ROBO2: variants seen among roughly 807,000 people sequenced by gnomAD.
ROBO2 encodes the protein roundabout homolog 2.
In ROBO2, 53 loss-of-function variants were observed where a neutral mutation model predicts 160.8. That is an observed-to-expected ratio of 0.33 (90% CI 0.26 to 0.41). The LOEUF is 0.41. Ranked by LOEUF, ROBO2 falls within the 10% of genes least tolerant of loss-of-function variation. ROBO2 has a pLI of 1.00. For missense variants in ROBO2, 1,577 were observed against 1,722.4 expected, an observed-to-expected ratio of 0.92 and a Z score of 1.49; for synonymous variants, 664 against 611.7, an observed-to-expected ratio of 1.09 and a Z score of -1.26.
At chr3:76,859,403 G>A (rs144343284) in intron 2 of ROBO2, among the ~76,000 whole-genome samples, 1 of 152,142 alleles carries the variant, frequency 6.6e-6, no homozygotes, top group East Asian at 1.9e-4. Flanking sequence ...TTGGAGATGC[G>A]GGTGCTAAAG....
chr3:77,552,032 A>G (rs1206237426), intron 8 of ROBO2, among the ~76,000 whole-genome samples: 2 of 152,012 alleles, frequency 1.3e-5, no homozygotes, highest in Non-Finnish European at 2.9e-5. Flanking sequence ...ATTTACTGCT[A>G]TGGAACTGAA....
intron 2 of ROBO2, among the ~76,000 whole-genome samples, chr3:77,269,621 G>GTA (rs1553879051): frequency 6.6e-6 from 1 of 151,846 alleles, no homozygotes; most frequent in Non-Finnish European, 1.5e-5. Flanking sequence ...AGATGTGTGT[G>GTA]TATCAATATA....
chr3:76,619,239 C>G (rs1367562788), intron 2 of ROBO2, among the ~76,000 whole-genome samples: 1 of 150,954 alleles, frequency 6.6e-6, no homozygotes, highest in Admixed American at 6.6e-5. Context: ...ACTTGGGAGG[C>G]TGAGGCAGGA....
At chr3:76,738,626 G>T (rs1323184801) in intron 2 of ROBO2, among the ~76,000 whole-genome samples, 2 of 152,110 alleles carry the variant, frequency 1.3e-5, no homozygotes, top group Non-Finnish European at 2.9e-5. Context: ...ATTGCTCTTC[G>T]AACACGGTAA....
At chr3:76,850,860 G>C (rs539515125) in intron 2 of ROBO2, among the ~76,000 whole-genome samples, 1 of 152,174 alleles carries the variant, frequency 6.6e-6, no homozygotes, top group Non-Finnish European at 1.5e-5. Flanking sequence ...AGGCACCTAA[G>C]CTCTGGTCCT....
chr3:76,573,957 C>T (rs1345365510), intron 2 of ROBO2, among the ~76,000 whole-genome samples: 2 of 152,148 alleles, frequency 1.3e-5, no homozygotes, highest in African/African-American at 2.4e-5. Context: ...TCAGAAGTGA[C>T]TGCTCTCTGC....
chr3:77,225,758 C>T (rs2086417709), intron 2 of ROBO2, among the ~76,000 whole-genome samples: 1 of 151,928 alleles, frequency 6.6e-6, no homozygotes. Context: ...TAAAAAAAGA[C>T]TCACTGCAAT....
intron 2 of ROBO2, among the ~76,000 whole-genome samples, chr3:76,315,322 T>A (rs2071922303): frequency 6.6e-6 from 1 of 152,226 alleles, no homozygotes; most frequent in African/African-American, 2.4e-5. Flanking sequence ...ACAGCCATAC[T>A]TTTTTTCTGT....
intron 2 of ROBO2, among the ~76,000 whole-genome samples, chr3:76,226,691 C>T (rs1704308769): frequency 6.6e-6 from 1 of 152,094 alleles, no homozygotes; most frequent in African/African-American, 2.4e-5. Context: ...ACAATTATTT[C>T]TCCTTTACTT....
Position 76,407,892 on chromosome 3 carries a change from A to G in ROBO2, c.109+470290A>G, listed in dbSNP as rs1043119663. Among the ~76,000 whole-genome samples, 7 of 151,768 alleles carry G rather than the reference A, an allele frequency of 4.6e-5. No homozygotes were observed. In the South Asian group the frequency reaches 6.2e-4, roughly 14 times the overall value. ...ATGGCTTTGAATTAAGCCCAACAAC[A>G]TGTTGTAACCTTTCTTAAAATATTG... On this transcript the variant is annotated intron_variant, in intron 2 of 26. Transcript: ENST00000487694.
chr3:77,003,972 C>T lies in ROBO2; in HGVS notation c.110-94042C>T, dbSNP rs577960410. Among the ~76,000 whole-genome samples the T allele has an allele frequency of 1.9e-4, 29 of 152,222 alleles. 1 individual carries two copies. In the South Asian group the frequency reaches 6.0e-3, roughly 32 times the overall value. On this transcript the variant is annotated intron_variant, in intron 2 of 26. Transcript: ENST00000487694. ...ATAGAGGCATTTATTATGAACATGGCAGTCTCAGAATATATAATCAAACTT... is the reference window on the plus strand; with the variant it reads ...ATAGAGGCATTTATTATGAACATGGTAGTCTCAGAATATATAATCAAACTT...
intron 2 of ROBO2, among the ~76,000 whole-genome samples, chr3:76,250,716 A>G (rs1205429673): frequency 1.3e-5 from 2 of 152,206 alleles, no homozygotes; most frequent in East Asian, 3.9e-4. Flanking sequence ...TGCTTTGCAA[A>G]TTTTAAGTAC....
intron 2 of ROBO2, among the ~76,000 whole-genome samples, chr3:76,584,632 G>A (rs1421128348): frequency 1.3e-5 from 2 of 152,098 alleles, no homozygotes; most frequent in Non-Finnish European, 2.9e-5. Flanking sequence ...TCTTGATCTG[G>A]AACTTGTAGA....
At chr3:76,680,745 T>C (rs1034299318) in intron 2 of ROBO2, among the ~76,000 whole-genome samples, 1 of 152,026 alleles carries the variant, frequency 6.6e-6, no homozygotes, top group African/African-American at 2.4e-5. Flanking sequence ...TTATCACCAT[T>C]CAGTACAGTA....
intron 2 of ROBO2, among the ~76,000 whole-genome samples, chr3:77,207,330 A>G (rs1254106677): frequency 1.3e-5 from 2 of 152,124 alleles, no homozygotes; most frequent in Admixed American, 1.3e-4. Context: ...ACTTTATATG[A>G]TACCAAAAAT....
chr3:77,206,260 C>A (rs1170899008), intron 2 of ROBO2, among the ~76,000 whole-genome samples: 5 of 152,126 alleles, frequency 3.3e-5, no homozygotes, highest in Non-Finnish European at 7.4e-5. Context: ...ACCTCCACCT[C>A]CCGGGTTCAA....
At chr3:77,291,123 C>A (rs1231195779) in intron 2 of ROBO2, among the ~76,000 whole-genome samples, 4 of 150,438 alleles carry the variant, frequency 2.7e-5, no homozygotes, top group Non-Finnish European at 4.4e-5. Context: ...CTAGATCACC[C>A]CAGACATAAA....
At chr3:77,321,958 A>G (rs1024268895) in intron 2 of ROBO2, among the ~76,000 whole-genome samples, 1 of 152,204 alleles carries the variant, frequency 6.6e-6, no homozygotes. Flanking sequence ...TTCCATGCAC[A>G]TAGCACCATG....
intron 2 of ROBO2, among the ~76,000 whole-genome samples, chr3:76,964,290 C>A (rs1177396478): frequency 1.3e-5 from 2 of 152,052 alleles, no homozygotes; most frequent in Non-Finnish European, 1.5e-5. Flanking sequence ...TATTTGATCA[C>A]CTTTTGGGTA....
Sources: gnomAD v4.1 joint callset for allele counts (sites outside exome capture counted in the v4.1 genomes callset) on GRCh38, gnomAD v4.1.1 for gene constraint, MANE v1.5 for transcripts, NCBI Gene and HGNC (gene_info 2026-07-23, HGNC 2026-07-21) for gene names.